NCAPD3: variants seen among roughly 807,000 people sequenced by gnomAD.
NCAPD3 encodes condensin-2 complex subunit D3.
In NCAPD3, 105 loss-of-function variants were observed where a neutral mutation model predicts 182.9. That is an observed-to-expected ratio of 0.57 (90% CI 0.49 to 0.68). NCAPD3 has a LOEUF of 0.68. Ranked by LOEUF, NCAPD3 falls within the 30% of genes least tolerant of loss-of-function variation. NCAPD3 has a pLI of 0.00. For synonymous variants in NCAPD3, 815 were observed against 679.9 expected, an observed-to-expected ratio of 1.20 and a Z score of -3.09; for missense variants, 1,944 against 1,837.0, an observed-to-expected ratio of 1.06 and a Z score of -1.07.
intron 15 of NCAPD3, 45 bp from the exon 16 acceptor site, chr11:134,192,954 C>A: frequency 9.0e-7 from 1 of 1,114,590 alleles, no homozygotes; most frequent in South Asian, 1.3e-5. Context: ...AAATACAAGT[C>A]AGGGAAGTTG....
Position 134,204,841 on chromosome 11 carries a change from A to G in NCAPD3, c.1089+58T>C, listed in dbSNP as rs1449385764. The stretch of plus-strand genomic sequence containing the variant: ...CCCACACTCACACACACACACACAC[A>G]TTTATCTTCACACACGATATACTTC... On this transcript the variant is annotated intron_variant, in intron 9 of 34. Transcript: ENST00000534548. This position sits in a 1 kb window ranked among gnomAD's most constrained non-coding sequence, Gnocchi z 4.3. The G allele has an allele frequency of 2.9e-6, 4 of 1,391,424 alleles. No homozygotes were observed. Among genetic ancestry groups the G allele is most frequent in the Non-Finnish European group, 4.1e-6 (4 of 983,760 alleles). 86.2% of individuals were successfully genotyped at this position (1,391,424 alleles called of 1,614,324 possible).
At chr11:134,168,285 T>C in intron 26 of NCAPD3, 90 bp from the exon 27 acceptor site, 1 of 1,453,374 alleles carries the variant, frequency 6.9e-7, no homozygotes, top group Non-Finnish European at 9.6e-7. Context: ...GGGGGCCATC[T>C]GAGGCTGTCA....
In NCAPD3 at chr11:134,153,038, T is replaced by TGA; in HGVS notation, c.4401_4402dup (p.Gln1468LeufsTer28). 6.2e-7 allele frequency: 1 copy of TGA among 1,602,576 alleles called. No individual in the cohort carries two copies. Among genetic ancestry groups the TGA allele is most frequent in the Non-Finnish European group, 8.5e-7 (1 of 1,172,144 alleles). On this transcript the variant is annotated frameshift_variant, in exon 35 of 35. Coordinates refer to ENST00000534548, the MANE Select transcript of NCAPD3 (RefSeq NM_015261.3). LOFTEE classifies it high-confidence loss of function. ...GGCGGGAGACCGCACATTCCACTGCTGAGGCTGTGGGGGCCTAGGGAAAGG... is the reference window on the plus strand; with the variant it reads ...GGCGGGAGACCGCACATTCCACTGCTGAGAGGCTGTGGGGGCCTAGGGAAAGG...
chr11:134,157,095 A>C lies in NCAPD3; in HGVS notation c.4175T>G (p.Val1392Gly), dbSNP rs750038620. The C allele has an allele frequency of 3.1e-6, 5 of 1,611,094 alleles. No individual in the cohort carries two copies. The highest frequency in any genetic ancestry group is 3.4e-5 in the Admixed American group (2 of 59,646). Residue 1392 changes from valine (V) to glycine (G), a missense_variant and splice_region_variant, in exon 32 of 35, where the codon GTG (valine) becomes GGG (glycine). Val to Gly is a moderately radical substitution (Grantham distance 109). Coordinates refer to ENST00000534548, the MANE Select transcript of NCAPD3 (RefSeq NM_015261.3). Reference sequence around the variant, plus strand: ...CTCTTGCTCCAAACTGTATGAAGACACTAGAACAGAAAAGGTGCTGCTATC... The same window carrying C: ...CTCTTGCTCCAAACTGTATGAAGACCCTAGAACAGAAAAGGTGCTGCTATC... Reference protein sequence around the residue: ...SGSPEKTCSQVSSYSLEQESN... With the variant: ...SGSPEKTCSQGSSYSLEQESN...
Position 134,152,631 on chromosome 11 carries a change from TGTG to T in NCAPD3, c.*310_*312del. On this transcript the variant is annotated 3_prime_UTR_variant, in exon 35 of 35. Coordinates refer to ENST00000534548, the MANE Select transcript of NCAPD3 (RefSeq NM_015261.3). ...TAAAAGAAAGCTGCAGTTTTAAAGT[TGTG>T]TTCCTTAAAGACCAGATTATAGCTT... 1 of 239,070 alleles carries T rather than the reference TGTG, an allele frequency of 4.2e-6. No individual in the cohort carries two copies. The highest frequency in any genetic ancestry group is 7.9e-6 in the Non-Finnish European group (1 of 125,912). 14.8% of individuals were successfully genotyped at this position (239,070 alleles called of 1,614,324 possible). A position where few individuals can be genotyped will look rare whatever the true frequency, so the allele number is the denominator to read the frequency against.
In NCAPD3 at chr11:134,161,991, T is replaced by C. The variant is rs148773054; in HGVS notation, c.3574-100A>G. The C allele has an allele frequency of 4.2e-3, 2,570 of 609,180 alleles. 41 individuals carry two copies. Among genetic ancestry groups the C allele is most frequent in the Middle Eastern group, 0.023 (52 of 2,296 alleles). The allele number at this position is 609,180 out of a possible 1,614,324, so 37.7% of individuals were successfully genotyped here. ...TGAGTAGAGCCACCCTACCACACTA[T>C]GTAAGTTTATTTTTGCTTTTCATTA... is the stretch of plus-strand genomic sequence containing the variant. On this transcript the variant is annotated intron_variant, in intron 27 of 34. Transcript: ENST00000534548.
rs1320628987 is a variant in NCAPD3, at chr11:134,189,145, G to GAA, written c.2045+3543_2045+3544insTT. 3.9e-5 allele frequency among the ~76,000 whole-genome samples: 6 copies of GAA among 151,990 alleles called. No homozygotes were observed. In the South Asian group the frequency reaches 1.0e-3, roughly 26 times the overall value. On this transcript the variant is annotated intron_variant, in intron 16 of 34. Coordinates refer to ENST00000534548, the MANE Select transcript of NCAPD3 (RefSeq NM_015261.3). ...AATACTAATACATTCTGAATACTCT[G>GAA]TTTCTGAATGTATACTGAACAAGAC...
intron 13 of NCAPD3, among the ~76,000 whole-genome samples, chr11:134,196,789 A>G (rs1944638928): frequency 6.6e-6 from 1 of 152,208 alleles, no homozygotes; most frequent in Non-Finnish European, 1.5e-5. Flanking sequence ...TAAAGCAAAA[A>G]TGAACAACAA....
intron 27 of NCAPD3, among the ~76,000 whole-genome samples, chr11:134,164,963 C>G (rs913589218): frequency 6.9e-6 from 1 of 144,340 alleles, no homozygotes; most frequent in Non-Finnish European, 1.5e-5. Context: ...GTGACATAAG[C>G]TTAGGGGAGT....
chr11:134,183,399 C>T (rs973759614), intron 19 of NCAPD3, among the ~76,000 whole-genome samples: 4 of 152,066 alleles, frequency 2.6e-5, no homozygotes, highest in Non-Finnish European at 4.4e-5. Flanking sequence ...GAAACCCTGT[C>T]TCTACTAAAA....
chr11:134,158,509 TAA>T lies in NCAPD3; in HGVS notation c.3868-16_3868-15del, dbSNP rs1943490814. 4 of 1,610,720 alleles carry T rather than the reference TAA, an allele frequency of 2.5e-6. No individual in the cohort carries two copies. The highest frequency in any genetic ancestry group is 1.6e-4 in the Middle Eastern group (1 of 6,082). On this transcript the variant is annotated splice_polypyrimidine_tract_variant and intron_variant, in intron 29 of 34. Transcript: ENST00000534548. ...ACACAGGGCAACCTGGTAGAGAAGA[TAA>T]AGAGTATGTACATTCTAATACTTTT...
chr11:134,197,038 C>G (rs2136002155), intron 13 of NCAPD3, among the ~76,000 whole-genome samples: 1 of 152,190 alleles, frequency 6.6e-6, no homozygotes, highest in East Asian at 1.9e-4. Flanking sequence ...TTCAGGACAG[C>G]AATACTGAGT....
rs1489593681 is a variant in NCAPD3 at position 134,150,410 on chromosome 11, T to C, written c.*2534A>G. ...CTGGGGTTGCGCCAGGCGCCCCCGCTCTAGCTCACTGTTGCCTCGCTGTCT... is the reference window on the plus strand; with the variant it reads ...CTGGGGTTGCGCCAGGCGCCCCCGCCCTAGCTCACTGTTGCCTCGCTGTCT... On this transcript the variant is annotated 3_prime_UTR_variant, in exon 35 of 35. Coordinates refer to ENST00000534548, the MANE Select transcript of NCAPD3 (RefSeq NM_015261.3). 6.6e-6 allele frequency: 1 copy of C among 152,392 alleles called. No homozygotes were observed. Among genetic ancestry groups the C allele is most frequent in the East Asian group, 1.9e-4 (1 of 5,186 alleles). The allele number at this position is 152,392 out of a possible 1,614,324, so 9.4% of individuals were successfully genotyped here.
Position 134,223,845 on chromosome 11 carries a change from C to A in NCAPD3, c.64+18G>T. On this transcript the variant is annotated intron_variant, in intron 1 of 34. Coordinates refer to ENST00000534548, the MANE Select transcript of NCAPD3 (RefSeq NM_015261.3). ...ACCCTCGCCCTGGCCCCCGGGCCTC[C>A]CGGCTGCATCTGCTCACCGAGTCTA... 1 of 1,610,924 alleles carries A rather than the reference C, an allele frequency of 6.2e-7. No individual in the cohort carries two copies.
chr11:134,165,531 G>A (rs547810265), intron 27 of NCAPD3, among the ~76,000 whole-genome samples: 3 of 148,298 alleles, frequency 2.0e-5, no homozygotes, highest in African/African-American at 5.0e-5. Context: ...TCACTTGTGA[G>A]ATGAGCTTAG....
intron 29 of NCAPD3, among the ~76,000 whole-genome samples, chr11:134,159,463 G>A (rs1280326256): frequency 6.6e-6 from 1 of 152,326 alleles, no homozygotes; most frequent in South Asian, 2.1e-4. Context: ...CATGACAGAA[G>A]AGAAAAAGGA....
At position 134,176,290 on chromosome 11, in the gene NCAPD3, G is replaced by A. The variant is rs749006491; in HGVS notation, c.3101+17C>T. On this transcript the variant is annotated intron_variant, in intron 24 of 34. Coordinates refer to ENST00000534548, the MANE Select transcript of NCAPD3 (RefSeq NM_015261.3). ...GAGGTAAACTGTTGAGTCGTCTGAC[G>A]TGAGGAAAAGATTTACCTGGCAATG... 3.4e-5 allele frequency: 55 copies of A among 1,607,488 alleles called. No individual in the cohort carries two copies. Among genetic ancestry groups the A allele is most frequent in the Admixed American group, 1.2e-4 (7 of 59,988 alleles).
At chr11:134,174,742 T>A (rs1260366964) in intron 24 of NCAPD3, among the ~76,000 whole-genome samples, 2 of 152,214 alleles carry the variant, frequency 1.3e-5, no homozygotes, top group African/African-American at 4.8e-5. Context: ...TGAAAGTTCC[T>A]GACACAAAGA....
intron 2 of NCAPD3, among the ~76,000 whole-genome samples, chr11:134,218,109 A>AGG (rs1565560052): frequency 6.7e-5 from 4 of 59,774 alleles, no homozygotes; most frequent in African/African-American, 1.9e-4. Flanking sequence ...AAAAAAAAAA[A>AGG]AGGGGGGGGG....
Sources: gnomAD v4.1 joint callset for allele counts (sites outside exome capture counted in the v4.1 genomes callset) on GRCh38, gnomAD v4.1.1 for gene constraint, Gnocchi (gnomAD v3.1) non-coding constraint, MANE v1.5 for transcripts, NCBI Gene and HGNC (gene_info 2026-07-23, HGNC 2026-07-21) for gene names.